The following TEX2 variants were observed in gnomAD, a reference collection of about 807,000 sequenced individuals.
TEX2 encodes testis-expressed protein 2.
Under a neutral mutation model 106.9 loss-of-function variants are expected in TEX2, and 53 were observed. The observed-to-expected ratio is 0.50, with a 90% CI of 0.40 to 0.62. The LOEUF (loss-of-function observed/expected upper bound fraction) is 0.62, where lower values mean the gene tolerates loss of function less well. Ranked by LOEUF, TEX2 falls within the 20% of genes least tolerant of loss-of-function variation. TEX2 has a pLI of 0.00. For synonymous variants in TEX2, 523 were observed against 534.8 expected, an observed-to-expected ratio of 0.98 and a Z score of 0.30; for missense variants, 1,207 against 1,379.0, an observed-to-expected ratio of 0.88 and a Z score of 1.98.
chr17:64,227,276 A>T (rs1015468233), intron 1 of TEX2, among the ~76,000 whole-genome samples: 7 of 151,778 alleles, frequency 4.6e-5, no homozygotes, highest in African/African-American at 1.7e-4. Context: ...AAATCCCTAG[A>T]ATAAGTAATG....
chr17:64,213,188 A>G lies in TEX2; in HGVS notation c.1030T>C (p.Tyr344His). ...LNGHLESNNNYSIKEEECDSE... is the reference protein window; with the variant it reads ...LNGHLESNNNHSIKEEECDSE... ...TCACACTCCTCCTCCTTGATGCTGT[A>G]GTTGTTATTGCTTTCCAAGTGCCCA... is the stretch of plus-strand genomic sequence containing the variant. Residue 344 changes from tyrosine to histidine, a missense_variant, in exon 2 of 12, where the codon TAC becomes CAC. Physicochemically the swap from Tyr to His is moderately conservative, Grantham distance 83. Coordinates refer to ENST00000584379, the MANE Select transcript of TEX2 (RefSeq NM_001288732.2). This position sits in a 1 kb window ranked among gnomAD's most constrained non-coding sequence, Gnocchi z 4.4. 1 of 1,614,106 alleles carries G rather than the reference A, an allele frequency of 6.2e-7. No homozygotes were observed. Among genetic ancestry groups the G allele is most frequent in the Non-Finnish European group, 8.5e-7 (1 of 1,180,012 alleles).
chr17:64,224,280 C>T (rs1046753406), intron 1 of TEX2, among the ~76,000 whole-genome samples: 5 of 152,170 alleles, frequency 3.3e-5, no homozygotes, highest in Non-Finnish European at 5.9e-5. Context: ...CTATAAGATT[C>T]TGTATTTTTC....
intron 6 of TEX2, among the ~76,000 whole-genome samples, chr17:64,173,014 T>C (rs541606247): frequency 1.3e-5 from 2 of 152,346 alleles, no homozygotes; most frequent in East Asian, 3.9e-4. Context: ...TAATGTAAGA[T>C]GTAAATTAGG....
chr17:64,252,175 G>A (rs2034105274), intron 1 of TEX2, among the ~76,000 whole-genome samples: 1 of 152,110 alleles, frequency 6.6e-6, no homozygotes, highest in Non-Finnish European at 1.5e-5. Flanking sequence ...CTGGGACAAG[G>A]GCATGGAACA....
At chr17:64,228,082 C>A (rs1172526742) in intron 1 of TEX2, among the ~76,000 whole-genome samples, 1 of 152,024 alleles carries the variant, frequency 6.6e-6, no homozygotes, top group African/African-American at 2.4e-5. Context: ...CTTTGACTGC[C>A]CTCTGGTTAT....
chr17:64,222,523 A>C lies in TEX2; in HGVS notation c.-25-8281T>G, dbSNP rs868974739. 2.0e-3 allele frequency among the ~76,000 whole-genome samples: 296 copies of C among 151,450 alleles called. 2 individuals are homozygous for C. Among genetic ancestry groups the C allele is most frequent in the African/African-American group, 7.0e-3 (288 of 41,310 alleles). On this transcript the variant is annotated intron_variant, in intron 1 of 11. Coordinates refer to ENST00000584379, the MANE Select transcript of TEX2 (RefSeq NM_001288732.2). ...CAGAGCGAGATTCCAACTCACAAAA[A>C]AAAAAAAAAAAAAGCAAAAATTGGA...
chr17:64,251,488 G>A (rs1218466791), intron 1 of TEX2, among the ~76,000 whole-genome samples: 1 of 152,232 alleles, frequency 6.6e-6, no homozygotes, highest in African/African-American at 2.4e-5. Context: ...CTGGTTACCA[G>A]AGGTGCTGGT....
intron 3 of TEX2, 47 bp downstream of exon 3, chr17:64,194,848 T>C (rs1349320525): frequency 1.9e-6 from 3 of 1,582,196 alleles, no homozygotes; most frequent in South Asian, 2.2e-5. Context: ...AGATGCCATA[T>C]GCTTTTCATT....
Position 64,212,853 on chromosome 17 carries a change from G to C in TEX2, c.1365C>G (p.Val455=), listed in dbSNP as rs781890190. 32 of 1,613,908 alleles carry C rather than the reference G, an allele frequency of 2.0e-5. No homozygotes were observed. The Middle Eastern group carries it at 4.9e-4, about 25-fold the overall frequency. The change falls in exon 2 of 12, where the codon GTC becomes GTG. Residue 455 remains valine (V), a synonymous_variant. Coordinates refer to ENST00000584379, the MANE Select transcript of TEX2 (RefSeq NM_001288732.2). ...KPEVLAEDGV[V]LDSEDEVDSA... ...AGTCCACCTCGTCCTCACTGTCAAGGACCACACCATCTTCCGCGAGCACCT... is the reference window on the plus strand; with the variant it reads ...AGTCCACCTCGTCCTCACTGTCAAGCACCACACCATCTTCCGCGAGCACCT...
chr17:64,219,848 C>T (rs1027789406), intron 1 of TEX2, among the ~76,000 whole-genome samples: 1 of 152,204 alleles, frequency 6.6e-6, no homozygotes, highest in Non-Finnish European at 1.5e-5. Context: ...TCCCCTACCC[C>T]ACTCAGAGAC....
chr17:64,173,578 G>T (rs1180208044), intron 6 of TEX2, among the ~76,000 whole-genome samples: 1 of 152,256 alleles, frequency 6.6e-6, no homozygotes, highest in South Asian at 2.1e-4. Flanking sequence ...CGAACAAAAC[G>T]TGAGTAGACA....
At position 64,185,594 on chromosome 17, in the gene TEX2, G is replaced by A. The variant is rs948311056; in HGVS notation, c.2424+2574C>T. On this transcript the variant is annotated intron_variant, in intron 5 of 11. Coordinates refer to ENST00000584379, the MANE Select transcript of TEX2 (RefSeq NM_001288732.2). The surrounding 1 kb of genome is among the most constrained non-coding windows in gnomAD (Gnocchi z 4.0). Reference sequence around the variant, plus strand: ...AGCACCACTGCACTCCAGTCTGGGCGACAGAGTGAGACTCCAACTAAAAAA... The same window carrying A: ...AGCACCACTGCACTCCAGTCTGGGCAACAGAGTGAGACTCCAACTAAAAAA... 5.3e-5 allele frequency among the ~76,000 whole-genome samples: 8 copies of A among 151,858 alleles called. No individual in the cohort carries two copies. The highest frequency in any genetic ancestry group is 4.1e-4 in the South Asian group (2 of 4,820).
At chr17:64,189,858 C>T (rs2032228440) in intron 4 of TEX2, among the ~76,000 whole-genome samples, 1 of 152,024 alleles carries the variant, frequency 6.6e-6, no homozygotes, top group Non-Finnish European at 1.5e-5. Context: ...TGGCCTGTAC[C>T]TGTAGTCCTA....
intron 11 of TEX2, chr17:64,149,404 G>A: frequency 4.2e-6 from 1 of 236,876 alleles, no homozygotes; most frequent in Non-Finnish European, 8.2e-6. Flanking sequence ...GGCTTAAGCT[G>A]TTCACAGTAG....
At position 64,213,354 on chromosome 17, in the gene TEX2, T is replaced by A; in HGVS notation, c.864A>T (p.Glu288Asp). Residue 288 changes from glutamate (E) to aspartate (D), a missense_variant, in exon 2 of 12, where the codon GAA becomes GAT. Transcript: ENST00000584379. This position sits in a 1 kb window ranked among gnomAD's most constrained non-coding sequence, Gnocchi z 4.4. ...FKVPEMEAKI[E>D]DTKRRLSEVI... ...CTTCTGAAAGGCGTCGTTTAGTATCTTCAATTTTAGCCTCCATTTCGGGCA... is the reference window on the plus strand; with the variant it reads ...CTTCTGAAAGGCGTCGTTTAGTATCATCAATTTTAGCCTCCATTTCGGGCA... 1.2e-6 allele frequency: 2 copies of A among 1,614,038 alleles called. 1 individual carries two copies. The highest frequency in any genetic ancestry group is 1.7e-6 in the Non-Finnish European group (2 of 1,180,040).
chr17:64,214,178 C>T lies in TEX2; in HGVS notation c.40G>A (p.Asp14Asn). 1 of 1,614,046 alleles carries T rather than the reference C, an allele frequency of 6.2e-7. No individual in the cohort carries two copies. The highest frequency in any genetic ancestry group is 8.5e-7 in the Non-Finnish European group (1 of 1,179,926). ...TTAGGGGCTGATGGTTTTGGCATGT[C>T]AGTGGTTTTCTCGGCATGGCGACCA... ...LYGRHAEKTT[D>N]MPKPSAPKVH... Residue 14 changes from aspartate (D) to asparagine (N), a missense_variant, in exon 2 of 12, where the codon GAC becomes AAC. Transcript: ENST00000584379.
At chr17:64,210,459 C>T (rs1276466768) in intron 2 of TEX2, among the ~76,000 whole-genome samples, 2 of 152,052 alleles carry the variant, frequency 1.3e-5, no homozygotes, top group African/African-American at 2.4e-5. Flanking sequence ...AGGATATATA[C>T]CAAATCATTA....
intron 1 of TEX2, chr17:64,255,887 AG>A (rs782504894): frequency 1.3e-5 from 2 of 152,194 alleles, no homozygotes; most frequent in Non-Finnish European, 2.9e-5. Context: ...TCCTCTTATC[AG>A]GAAAAAAGGT....
chr17:64,161,041 T>C (rs2030861709), intron 7 of TEX2, 108 bp from the exon 8 acceptor site: 2 of 1,222,736 alleles, frequency 1.6e-6, no homozygotes, highest in Middle Eastern at 2.7e-4. Flanking sequence ...TGAAAGTCCA[T>C]GTATCGTCTA....
Sources: gnomAD v4.1 joint callset for allele counts (sites outside exome capture counted in the v4.1 genomes callset) on GRCh38, gnomAD v4.1.1 for gene constraint, Gnocchi (gnomAD v3.1) non-coding constraint, MANE v1.5 for transcripts, NCBI Gene and HGNC (gene_info 2026-07-23, HGNC 2026-07-21) for gene names.